DGKG: variants seen among roughly 807,000 people sequenced by gnomAD.
DGKG encodes DAG kinase gamma.
A neutral mutation model predicts 105.3 loss-of-function variants in DGKG; 78 were observed. The observed-to-expected ratio is 0.74, with a 90% CI of 0.62 to 0.89. The LOEUF is 0.89. Among genes scored for constraint, DGKG ranks in the 40% least tolerant of loss-of-function variants. DGKG has a pLI of 0.00. For missense variants in DGKG, 958 were observed against 1,020.1 expected (o/e 0.94, Z 0.83); for synonymous variants, 346 against 367.1 (o/e 0.94, Z 0.66).
At chr3:186,304,345 T>C (rs1358982484) in intron 3 of DGKG, among the ~76,000 whole-genome samples, 2 of 152,230 alleles carry the variant, frequency 1.3e-5, no homozygotes, top group African/African-American at 4.8e-5. Flanking sequence ...GCATTCTCAG[T>C]CTCGCCCCTG....
chr3:186,303,294 C>T (rs901785276), intron 3 of DGKG, among the ~76,000 whole-genome samples: 1 of 152,130 alleles, frequency 6.6e-6, no homozygotes, highest in East Asian at 1.9e-4. Context: ...AACCAGATGA[C>T]CAACCACTAT....
At position 186,240,523 on chromosome 3, in the gene DGKG, T is replaced by G. The variant is rs143868269; in HGVS notation, c.1826+1981A>C. On this transcript the variant is annotated intron_variant, in intron 20 of 24. Coordinates refer to ENST00000265022, the MANE Select transcript of DGKG (RefSeq NM_001346.3). ...GCATGAGTACGTATAAGGATACTTGTGTGAGGCCGGGTGCAGTGGCTCAAG... is the reference window on the plus strand; with the variant it reads ...GCATGAGTACGTATAAGGATACTTGGGTGAGGCCGGGTGCAGTGGCTCAAG... Among the ~76,000 whole-genome samples the G allele has an allele frequency of 9.3e-4, 141 of 152,294 alleles. 1 individual carries two copies. The highest frequency in any genetic ancestry group is 3.3e-3 in the African/African-American group (137 of 41,576).
intron 20 of DGKG, among the ~76,000 whole-genome samples, chr3:186,215,381 A>G (rs1207965212): frequency 6.7e-5 from 10 of 148,638 alleles, no homozygotes; most frequent in African/African-American, 2.5e-4. Context: ...ACTGCACTCC[A>G]GCCTGGGTGA....
intron 20 of DGKG, among the ~76,000 whole-genome samples, chr3:186,228,336 T>G (rs981460202): frequency 6.6e-6 from 1 of 152,220 alleles, no homozygotes; most frequent in African/African-American, 2.4e-5. Flanking sequence ...TTCTGGGTCT[T>G]TCTGACTAAC....
Position 186,148,603 on chromosome 3 carries a change from AAAT to A in DGKG, c.*1484_*1486del. 1.0e-6 allele frequency: 1 copy of A among 985,346 alleles called. No homozygotes were observed. The highest frequency in any genetic ancestry group is 1.7e-5 in the African/African-American group (1 of 57,336). The allele number at this position is 985,346 out of a possible 1,614,324, so 61.0% of individuals were successfully genotyped here. A position where few individuals can be genotyped will look rare whatever the true frequency, so the allele number is the denominator to read the frequency against. ...AGATGTGTGGGTTCTTTTCTCCATTAAATATCTTTGTAACGGCACCTACTCTCA... is the reference window on the plus strand; with the variant it reads ...AGATGTGTGGGTTCTTTTCTCCATTAATCTTTGTAACGGCACCTACTCTCA... On this transcript the variant is annotated 3_prime_UTR_variant, in exon 25 of 25. Transcript: ENST00000265022.
rs374580398 is a variant in DGKG, at chr3:186,281,578, G to A, written c.595-834C>T. On this transcript the variant is annotated intron_variant, in intron 7 of 24. Transcript: ENST00000265022. ...TGTTACCTCTGCCAGATAGAATGCCGGGTCCAAATAGCAAGCTAAAACCCA... is the reference window on the plus strand; with the variant it reads ...TGTTACCTCTGCCAGATAGAATGCCAGGTCCAAATAGCAAGCTAAAACCCA... Among the ~76,000 whole-genome samples, 7 of 152,234 alleles carry A rather than the reference G, an allele frequency of 4.6e-5. No individual in the cohort carries two copies. In the East Asian group the frequency reaches 9.6e-4, roughly 21 times the overall value.
At chr3:186,243,497 A>T (rs1720785374) in intron 19 of DGKG, among the ~76,000 whole-genome samples, 1 of 152,118 alleles carries the variant, frequency 6.6e-6, no homozygotes, top group South Asian at 2.1e-4. Context: ...GGCTGTTACC[A>T]GCATCTGAAT....
intron 1 of DGKG, among the ~76,000 whole-genome samples, chr3:186,327,158 C>T (rs1221766404): frequency 1.3e-5 from 2 of 151,986 alleles, no homozygotes; most frequent in Non-Finnish European, 1.5e-5. Context: ...AGTGGGATCC[C>T]GTCTCAAAAC....
intron 22 of DGKG, among the ~76,000 whole-genome samples, chr3:186,170,181 C>A (rs1377920565): frequency 6.6e-6 from 1 of 152,138 alleles, no homozygotes; most frequent in Non-Finnish European, 1.5e-5. Context: ...CAGGTTGCAC[C>A]CTATACCAAT....
At chr3:186,251,523 T>A (rs1202114401) in intron 19 of DGKG, among the ~76,000 whole-genome samples, 1 of 152,166 alleles carries the variant, frequency 6.6e-6, no homozygotes, top group Middle Eastern at 3.2e-3. Flanking sequence ...TTTTCCTGTG[T>A]TAGTTAAAAT....
At chr3:186,168,895 T>C (rs576222480) in intron 22 of DGKG, among the ~76,000 whole-genome samples, 5 of 152,276 alleles carry the variant, frequency 3.3e-5, no homozygotes, top group East Asian at 3.9e-4. Flanking sequence ...GAACGGAATA[T>C]GCAGTGTGCA....
intron 3 of DGKG, among the ~76,000 whole-genome samples, chr3:186,299,833 CT>C (rs1412345441): frequency 1.0e-5 from 1 of 97,604 alleles, no homozygotes; most frequent in Non-Finnish European, 2.1e-5. Context: ...TTCTTTCTTT[CT>C]TTCTTTTTTT....
At chr3:186,192,500 C>G (rs537760170) in intron 21 of DGKG, among the ~76,000 whole-genome samples, 1 of 152,294 alleles carries the variant, frequency 6.6e-6, no homozygotes, top group East Asian at 1.9e-4. Flanking sequence ...CTGGGATTCA[C>G]CCATAGTATC....
At chr3:186,184,074 C>T (rs902355619) in intron 22 of DGKG, among the ~76,000 whole-genome samples, 1 of 151,666 alleles carries the variant, frequency 6.6e-6, no homozygotes, top group Non-Finnish European at 1.5e-5. Context: ...AAATGTGAAT[C>T]AACTGGCATT....
At chr3:186,240,751 A>G (rs1720643972) in intron 20 of DGKG, among the ~76,000 whole-genome samples, 1 of 151,602 alleles carries the variant, frequency 6.6e-6, no homozygotes, top group South Asian at 2.1e-4. Flanking sequence ...TGGAAGTTGC[A>G]GTGAGCCAAG....
intron 1 of DGKG, among the ~76,000 whole-genome samples, chr3:186,347,082 TC>T (rs1726369863): frequency 6.6e-6 from 1 of 152,168 alleles, no homozygotes; most frequent in Admixed American, 6.5e-5. Flanking sequence ...TTTATCCCTT[TC>T]TCTCCCATTT....
chr3:186,273,870 G>C (rs1722449841), intron 10 of DGKG, among the ~76,000 whole-genome samples: 1 of 152,230 alleles, frequency 6.6e-6, no homozygotes, highest in South Asian at 2.1e-4. Flanking sequence ...TTCAGGCTGA[G>C]TGTTGCTGTC....
chr3:186,167,676 T>C (rs1167709666), intron 22 of DGKG, among the ~76,000 whole-genome samples: 2 of 152,194 alleles, frequency 1.3e-5, no homozygotes, highest in Non-Finnish European at 2.9e-5. Context: ...TTTTGGCAAT[T>C]CATGTCATCT....
At chr3:186,311,239 C>G (rs973099173) in intron 2 of DGKG, among the ~76,000 whole-genome samples, 1 of 152,114 alleles carries the variant, frequency 6.6e-6, no homozygotes, top group Admixed American at 6.5e-5. Context: ...GACTGCCATT[C>G]TAGGACATGA....
Sources: gnomAD v4.1 joint callset for allele counts (sites outside exome capture counted in the v4.1 genomes callset) on GRCh38, gnomAD v4.1.1 for gene constraint, MANE v1.5 for transcripts, NCBI Gene and HGNC (gene_info 2026-07-23, HGNC 2026-07-21) for gene names.